CSMD3: variants seen among roughly 807,000 people sequenced by gnomAD.
CSMD3 encodes CUB and sushi domain-containing protein 3.
In CSMD3, 177 loss-of-function variants were observed where a neutral mutation model predicts 435.2. The observed-to-expected ratio is 0.41, with a 90% CI of 0.36 to 0.46. The LOEUF is 0.46. CSMD3 is among the 20% of genes least tolerant of loss of function. The pLI is 0.34. For synonymous variants in CSMD3, 1,656 were observed against 1,520.5 expected (o/e 1.09, Z -2.07); for missense variants, 4,265 against 4,504.6 (o/e 0.95, Z 1.52).
In CSMD3 at chr8:113,153,054, G is replaced by GAGAAAAA. The variant is rs1169730643; in HGVS notation, c.709+20661_709+20667dup. 1.5e-4 allele frequency among the ~76,000 whole-genome samples: 19 copies of GAGAAAAA among 123,748 alleles called. No homozygotes were observed. The East Asian group carries it at 3.9e-3, about 26-fold the overall frequency. The allele number at this position is 123,748 out of a possible 152,430, so 81.2% of individuals were successfully genotyped here. ...AAAAGAAAGAAAAAAGAAAAGAAGA[G>GAGAAAAA]AGAAAAAAGAAAAAAGAAAGAAAAA... On this transcript the variant is annotated intron_variant, in intron 4 of 70. Coordinates refer to ENST00000297405, the MANE Select transcript of CSMD3 (RefSeq NM_198123.2).
chr8:112,585,409 CT>C (rs56220349), intron 23 of CSMD3, among the ~76,000 whole-genome samples: 10,523 of 146,056 alleles, frequency 0.072, 476 homozygotes, highest in East Asian at 0.15. Context: ...TACATTGAGT[CT>C]TTTTTTTTTT....
In CSMD3 at chr8:112,507,535, CATTAAG is replaced by C. The variant is rs1822663765; in HGVS notation, c.4757-712_4757-707del. 2.6e-5 allele frequency among the ~76,000 whole-genome samples: 4 copies of C among 152,286 alleles called. No homozygotes were observed. The South Asian group carries it at 8.3e-4, about 32-fold the overall frequency. On this transcript the variant is annotated intron_variant, in intron 28 of 70. Coordinates refer to ENST00000297405, the MANE Select transcript of CSMD3 (RefSeq NM_198123.2). ...TAAATACACACACCCAAGTGAGGGACATTAAGATTAGGATTCTCACATTCTCACAAT... is the reference window on the plus strand; with the variant it reads ...TAAATACACACACCCAAGTGAGGGACATTAGGATTCTCACATTCTCACAAT...
intron 38 of CSMD3, among the ~76,000 whole-genome samples, chr8:112,366,819 A>ACATG (rs1243204900): frequency 6.6e-6 from 1 of 152,200 alleles, no homozygotes; most frequent in Non-Finnish European, 1.5e-5. Context: ...GATGGCATTG[A>ACATG]CATGGTTAAA....
chr8:112,810,535 T>C (rs1040293902), intron 12 of CSMD3, among the ~76,000 whole-genome samples: 1 of 152,124 alleles, frequency 6.6e-6, no homozygotes, highest in Non-Finnish European at 1.5e-5. Flanking sequence ...GTTATTATAA[T>C]TAAATTATTG....
chr8:112,629,412 T>C (rs988926026), intron 22 of CSMD3, among the ~76,000 whole-genome samples: 4 of 152,114 alleles, frequency 2.6e-5, no homozygotes, highest in African/African-American at 7.2e-5. Flanking sequence ...CAGGCTGTTC[T>C]TACTGTACTT....
At chr8:112,440,042 C>G (rs1263930681) in intron 32 of CSMD3, among the ~76,000 whole-genome samples, 1 of 152,150 alleles carries the variant, frequency 6.6e-6, no homozygotes, top group South Asian at 2.1e-4. Flanking sequence ...TTAACTCAGT[C>G]CAGCATTAAC....
At chr8:113,398,566 T>G (rs754263681) in intron 1 of CSMD3, among the ~76,000 whole-genome samples, 1 of 152,172 alleles carries the variant, frequency 6.6e-6, no homozygotes, top group Non-Finnish European at 1.5e-5. Flanking sequence ...GCCATTACAT[T>G]TATAGATGAG....
chr8:112,636,058 C>T (rs1302957235), intron 22 of CSMD3, among the ~76,000 whole-genome samples: 2 of 152,074 alleles, frequency 1.3e-5, no homozygotes, highest in African/African-American at 4.8e-5. Flanking sequence ...CTGATAATCA[C>T]TAAACAGCAA....
rs1450187817 is a variant in CSMD3, at chr8:112,255,273, A to G, written c.10017T>C (p.Gly3339=). ...RICQADGTWS[G]SSPHCIEPTQ... Reference sequence around the variant, plus strand: ...TATTACCTATGCAGTGAGGTGATGAACCACTCCAAGTGCCATCTGCTTGAC... The same window carrying G: ...TATTACCTATGCAGTGAGGTGATGAGCCACTCCAAGTGCCATCTGCTTGAC... The change falls in exon 62 of 71, where the codon GGT becomes GGC. Residue 3339 remains glycine (G), a synonymous_variant. Coordinates refer to ENST00000297405, the MANE Select transcript of CSMD3 (RefSeq NM_198123.2). 1 of 1,613,458 alleles carries G rather than the reference A, an allele frequency of 6.2e-7. No homozygotes were observed.
At chr8:112,991,174 A>C (rs2085443720) in intron 6 of CSMD3, among the ~76,000 whole-genome samples, 1 of 151,708 alleles carries the variant, frequency 6.6e-6, no homozygotes, top group East Asian at 1.9e-4. Context: ...TGTTTGCTGA[A>C]TTAAATATAT....
At chr8:112,281,457 A>G (rs1818633208) in intron 58 of CSMD3, 107 bp from the exon 59 acceptor site, 1 of 866,958 alleles carries the variant, frequency 1.2e-6, no homozygotes, top group South Asian at 1.5e-5. Flanking sequence ...AGAAGCAATA[A>G]AAACTTCTAA....
chr8:112,687,968 A>T (rs1255858353), intron 14 of CSMD3, among the ~76,000 whole-genome samples: 3 of 152,222 alleles, frequency 2.0e-5, no homozygotes, highest in East Asian at 1.9e-4. Context: ...ATAACTCCTG[A>T]TCTAAATTAA....
At chr8:113,348,563 A>G (rs2094167622) in intron 1 of CSMD3, among the ~76,000 whole-genome samples, 1 of 152,104 alleles carries the variant, frequency 6.6e-6, no homozygotes, top group African/African-American at 2.4e-5. Context: ...GATTATCAGG[A>G]GTAACAAATC....
At chr8:112,432,903 C>A (rs914230613) in intron 32 of CSMD3, among the ~76,000 whole-genome samples, 1 of 69,092 alleles carries the variant, frequency 1.4e-5, no homozygotes, top group African/African-American at 8.1e-5. Context: ...TAGCAAGGCT[C>A]CACTGGAAAA....
intron 1 of CSMD3, among the ~76,000 whole-genome samples, chr8:113,419,146 G>A (rs2094597557): frequency 6.7e-6 from 1 of 148,778 alleles, no homozygotes; most frequent in Admixed American, 6.7e-5. Flanking sequence ...TTTTTGACAG[G>A]GTCTCACTGT....
chr8:112,288,237 G>A (rs1462884554), intron 57 of CSMD3, among the ~76,000 whole-genome samples: 1 of 137,378 alleles, frequency 7.3e-6, no homozygotes, highest in Non-Finnish European at 1.5e-5. Context: ...CAATTTAGTA[G>A]CAGTTTCCTA....
intron 1 of CSMD3, among the ~76,000 whole-genome samples, chr8:113,391,367 T>C (rs1264805264): frequency 1.3e-5 from 2 of 151,412 alleles, no homozygotes; most frequent in South Asian, 2.1e-4. Flanking sequence ...TATGTGTAGA[T>C]GCTCCTGTTG....
intron 13 of CSMD3, among the ~76,000 whole-genome samples, chr8:112,698,927 C>T (rs770229191): frequency 2.6e-5 from 4 of 151,966 alleles, no homozygotes; most frequent in East Asian, 1.9e-4. Context: ...TCTGTAAAAA[C>T]GCACCAATCA....
intron 22 of CSMD3, among the ~76,000 whole-genome samples, chr8:112,617,832 T>A (rs1165346875): frequency 6.6e-6 from 1 of 152,158 alleles, no homozygotes. Context: ...TACTTCTCAA[T>A]GTATATGTTT....
Sources: allele counts gnomAD v4.1 joint callset (sites outside exome capture counted in the v4.1 genomes callset), GRCh38; gene constraint gnomAD v4.1.1; transcripts MANE v1.5; gene names NCBI Gene and HGNC (gene_info 2026-07-23, HGNC 2026-07-21).